The following ERBB4 variants were observed in gnomAD, a reference collection of about 807,000 sequenced individuals.
ERBB4 encodes receptor tyrosine-protein kinase erbB-4.
In ERBB4, 42 loss-of-function variants were observed where a neutral mutation model predicts 158.0. That is an observed-to-expected ratio of 0.27 (90% CI 0.21 to 0.34). The LOEUF (loss-of-function observed/expected upper bound fraction) is 0.34. Ranked by LOEUF, ERBB4 falls within the 10% of genes least tolerant of loss-of-function variation. The pLI is 1.00. For missense variants in ERBB4, 1,333 were observed against 1,624.1 expected, an observed-to-expected ratio of 0.82 and a Z score of 3.08; for synonymous variants, 583 against 558.7, an observed-to-expected ratio of 1.04 and a Z score of -0.61.
chr2:212,471,484 G>C (rs969682295), intron 1 of ERBB4, among the ~76,000 whole-genome samples: 1 of 151,624 alleles, frequency 6.6e-6, no homozygotes, highest in Non-Finnish European at 1.5e-5. Flanking sequence ...AATAAATCGA[G>C]ATCTCTGCAA....
chr2:212,214,405 G>A (rs1164972956), intron 1 of ERBB4, among the ~76,000 whole-genome samples: 1 of 151,812 alleles, frequency 6.6e-6, no homozygotes, highest in African/African-American at 2.4e-5. Context: ...CACAGTTTTA[G>A]AATATATTTT....
At chr2:212,115,840 T>C (rs1419387336) in intron 2 of ERBB4, among the ~76,000 whole-genome samples, 1 of 152,166 alleles carries the variant, frequency 6.6e-6, no homozygotes, top group Non-Finnish European at 1.5e-5. Context: ...AAGACAAGCC[T>C]ATAAATTCAT....
intron 1 of ERBB4, among the ~76,000 whole-genome samples, chr2:212,225,164 C>T (rs2083432136): frequency 6.6e-6 from 1 of 151,854 alleles, no homozygotes; most frequent in East Asian, 1.9e-4. Context: ...AACTTTCATC[C>T]TAAAATAATT....
At chr2:211,536,054 T>A (rs1481391008) in intron 20 of ERBB4, among the ~76,000 whole-genome samples, 1 of 152,072 alleles carries the variant, frequency 6.6e-6, no homozygotes, top group Admixed American at 6.6e-5. Flanking sequence ...ATATTTAATA[T>A]TTCTAAGCTA....
intron 3 of ERBB4, among the ~76,000 whole-genome samples, chr2:211,872,265 C>T (rs555742892): frequency 2.4e-4 from 37 of 152,110 alleles, no homozygotes; most frequent in Admixed American, 6.5e-4. Flanking sequence ...TTCCACATCA[C>T]AAATTACAAC....
At chr2:211,507,833 A>T (rs1386665162) in intron 20 of ERBB4, among the ~76,000 whole-genome samples, 1 of 152,158 alleles carries the variant, frequency 6.6e-6, no homozygotes. Context: ...AACACAACAC[A>T]TCTACAACCA....
In ERBB4 at chr2:211,861,431, A is replaced by T. The variant is rs531324752; in HGVS notation, c.422-73272T>A. On this transcript the variant is annotated intron_variant, in intron 3 of 27. Coordinates refer to ENST00000342788, the MANE Select transcript of ERBB4 (RefSeq NM_005235.3). The stretch of plus-strand genomic sequence containing the variant: ...GGCTAGTCTCAAACTCCTGAGCTCA[A>T]GTCATCCGTCATCCTCCCACTTCAG... 4.1e-5 allele frequency among the ~76,000 whole-genome samples: 6 copies of T among 146,654 alleles called. No homozygotes were observed. The South Asian group carries it at 1.3e-3, about 31-fold the overall frequency.
At chr2:212,015,748 C>G (rs1448218446) in intron 2 of ERBB4, among the ~76,000 whole-genome samples, 1 of 152,122 alleles carries the variant, frequency 6.6e-6, no homozygotes, top group African/African-American at 2.4e-5. Context: ...CACTTCAGCT[C>G]TCTCCATTAC....
chr2:211,895,120 C>A (rs188922607), intron 3 of ERBB4, among the ~76,000 whole-genome samples: 69 of 152,236 alleles, frequency 4.5e-4, no homozygotes, highest in African/African-American at 1.3e-3. Context: ...GTCTCCCTTG[C>A]AGTTAGGTGG....
intron 3 of ERBB4, among the ~76,000 whole-genome samples, chr2:211,793,244 A>T (rs944853313): frequency 6.6e-6 from 1 of 151,922 alleles, no homozygotes; most frequent in African/African-American, 2.4e-5. Context: ...TGAACATTTT[A>T]ATTCTACTCA....
chr2:211,656,976 G>C (rs970600389), intron 16 of ERBB4, among the ~76,000 whole-genome samples: 2 of 151,984 alleles, frequency 1.3e-5, no homozygotes, highest in African/African-American at 4.8e-5. Flanking sequence ...TAAATTCCAA[G>C]TTATACTTTT....
At chr2:211,629,085 G>T (rs1362171740) in intron 17 of ERBB4, among the ~76,000 whole-genome samples, 1 of 152,014 alleles carries the variant, frequency 6.6e-6, no homozygotes, top group East Asian at 1.9e-4. Flanking sequence ...TTTGTCAGAT[G>T]AGTAGATTGT....
chr2:211,684,271 A>T (rs2072473397), intron 12 of ERBB4, among the ~76,000 whole-genome samples: 1 of 151,978 alleles, frequency 6.6e-6, no homozygotes, highest in Non-Finnish European at 1.5e-5. Context: ...GGCCAACATG[A>T]TGAAACCCGA....
At chr2:212,197,223 C>T (rs1199992870) in intron 1 of ERBB4, among the ~76,000 whole-genome samples, 1 of 152,162 alleles carries the variant, frequency 6.6e-6, no homozygotes, top group African/African-American at 2.4e-5. Context: ...TATTTAGAAA[C>T]ATATTCAATT....
chr2:211,669,980 A>G (rs953338964), intron 14 of ERBB4, among the ~76,000 whole-genome samples: 1 of 152,234 alleles, frequency 6.6e-6, no homozygotes, highest in Non-Finnish European at 1.5e-5. Flanking sequence ...AGTATATATC[A>G]GTTTTTGTCA....
At chr2:211,903,425 GA>G (rs1405548031) in intron 3 of ERBB4, among the ~76,000 whole-genome samples, 2 of 151,998 alleles carry the variant, frequency 1.3e-5, no homozygotes, top group East Asian at 1.9e-4. Flanking sequence ...AGCAAAATAT[GA>G]AAATCTAAAT....
intron 4 of ERBB4, 69 bp from the exon 5 acceptor site, chr2:211,750,773 C>A: frequency 7.6e-7 from 1 of 1,321,150 alleles, no homozygotes; most frequent in Non-Finnish European, 1.1e-6. Flanking sequence ...AGGAGTAACT[C>A]CTCAAAGGAA....
At chr2:211,893,174 A>C (rs994834956) in intron 3 of ERBB4, among the ~76,000 whole-genome samples, 3 of 145,622 alleles carry the variant, frequency 2.1e-5, no homozygotes, top group African/African-American at 8.0e-5. Context: ...ACAAGGCTAC[A>C]GTAACCAAAA....
Position 212,306,217 on chromosome 2 carries a change from C to A in ERBB4, c.83-181314G>T, listed in dbSNP as rs115581324. ...AGTAAAAACTCTATGTCTGACCACT[C>A]CCCAAAAAATACAATATTTAATTGC... On this transcript the variant is annotated intron_variant, in intron 1 of 27. Coordinates refer to ENST00000342788, the MANE Select transcript of ERBB4 (RefSeq NM_005235.3). 3.7e-3 allele frequency among the ~76,000 whole-genome samples: 560 copies of A among 151,498 alleles called. 1 individual carries two copies. The highest frequency in any genetic ancestry group is 0.01 in the Middle Eastern group (3 of 294).
Sources: allele counts gnomAD v4.1 joint callset (sites outside exome capture counted in the v4.1 genomes callset), GRCh38; gene constraint gnomAD v4.1.1; transcripts MANE v1.5; gene names NCBI Gene and HGNC (gene_info 2026-07-23, HGNC 2026-07-21).